The following ADAM10 variants were observed in gnomAD, a reference collection of about 807,000 sequenced individuals.
ADAM10 encodes ADAM metallopeptidase domain 10.
In ADAM10, 17 loss-of-function variants were observed where a neutral mutation model predicts 90.1. The ratio of observed to expected loss-of-function variants is 0.19; its 90% CI spans 0.13 to 0.28. The LOEUF is 0.28. Ranked by LOEUF, ADAM10 falls within the 10% of genes least tolerant of loss-of-function variation. The pLI, the probability that ADAM10 is intolerant of heterozygous loss-of-function variation, is 1.00. For missense variants in ADAM10, 610 were observed against 914.3 expected (o/e 0.67, Z 4.29); for synonymous variants, 310 against 298.6 (o/e 1.04, Z -0.40).
chr15:58,709,968 A>C (rs1304414065), intron 2 of ADAM10, among the ~76,000 whole-genome samples: 1 of 152,102 alleles, frequency 6.6e-6, no homozygotes, highest in Non-Finnish European at 1.5e-5. Flanking sequence ...CTTCCAGGTA[A>C]GGCCTGGTTA....
chr15:58,727,188 T>TC (rs1220090311), intron 1 of ADAM10, among the ~76,000 whole-genome samples: 38 of 121,978 alleles, frequency 3.1e-4, no homozygotes, highest in African/African-American at 1.3e-3. Context: ...TTTTTTTTTT[T>TC]TTTTTTTTTT....
At chr15:58,692,392 A>G (rs760378841) in intron 2 of ADAM10, 8 of 580,566 alleles carry the variant, frequency 1.4e-5, no homozygotes, top group South Asian at 1.1e-4. Flanking sequence ...TTTCTCCTTG[A>G]TCTTCTTTGT....
chr15:58,674,055 T>G (rs1897259986), intron 4 of ADAM10, among the ~76,000 whole-genome samples: 1 of 152,144 alleles, frequency 6.6e-6, no homozygotes, highest in African/African-American at 2.4e-5. Context: ...TTTGTGATTT[T>G]TTTTTAACTT....
At chr15:58,599,456 C>T in intron 15 of ADAM10, 142 bp downstream of exon 15, 1 of 1,034,890 alleles carries the variant, frequency 9.7e-7, no homozygotes, top group South Asian at 1.4e-5. Flanking sequence ...ACACAAATAT[C>T]AACTAAATCA....
chr15:58,734,438 C>T (rs887379071), intron 1 of ADAM10, among the ~76,000 whole-genome samples: 1 of 152,092 alleles, frequency 6.6e-6, no homozygotes, highest in Non-Finnish European at 1.5e-5. Context: ...TACGATGAGT[C>T]GAATTACCTT....
At chr15:58,723,028 A>T (rs551607847) in intron 1 of ADAM10, among the ~76,000 whole-genome samples, 3 of 151,628 alleles carry the variant, frequency 2.0e-5, no homozygotes, top group African/African-American at 7.3e-5. Flanking sequence ...CACCATACCC[A>T]GCCAAATCAG....
intron 2 of ADAM10, among the ~76,000 whole-genome samples, chr15:58,694,628 G>A (rs1897925105): frequency 6.6e-6 from 1 of 151,718 alleles, no homozygotes; most frequent in South Asian, 2.1e-4. Context: ...ACAAATAACT[G>A]AACACAAATG....
At chr15:58,640,452 T>C (rs1350629929) in intron 8 of ADAM10, among the ~76,000 whole-genome samples, 4 of 152,178 alleles carry the variant, frequency 2.6e-5, no homozygotes, top group Non-Finnish European at 2.9e-5. Flanking sequence ...TTAATAAATA[T>C]ATAACATTTA....
At chr15:58,600,158 C>T (rs1406079099) in intron 14 of ADAM10, among the ~76,000 whole-genome samples, 1 of 152,088 alleles carries the variant, frequency 6.6e-6, no homozygotes, top group Non-Finnish European at 1.5e-5. Context: ...TGCCAATGCC[C>T]TAACAAGGTT....
intron 8 of ADAM10, among the ~76,000 whole-genome samples, chr15:58,634,326 T>C (rs1221951943): frequency 1.3e-5 from 2 of 151,718 alleles, no homozygotes; most frequent in African/African-American, 4.9e-5. Flanking sequence ...AAGAAGAATT[T>C]CACCATACTA....
intron 6 of ADAM10, among the ~76,000 whole-genome samples, chr15:58,644,580 A>G (rs1251189528): frequency 6.6e-6 from 1 of 151,968 alleles, no homozygotes; most frequent in East Asian, 1.9e-4. Context: ...CCTCAATCCA[A>G]TCCTACAACG....
intron 10 of ADAM10, among the ~76,000 whole-genome samples, chr15:58,625,847 G>C (rs1396627289): frequency 6.6e-6 from 1 of 152,142 alleles, no homozygotes. Context: ...TATTGATAAA[G>C]GCAATAATTT....
At chr15:58,708,389 C>T (rs916407826) in intron 2 of ADAM10, among the ~76,000 whole-genome samples, 2 of 151,982 alleles carry the variant, frequency 1.3e-5, no homozygotes, top group Non-Finnish European at 2.9e-5. Context: ...AGGCCACACC[C>T]GGTGGCTCAC....
At chr15:58,688,190 G>A (rs1897661356) in intron 2 of ADAM10, among the ~76,000 whole-genome samples, 1 of 152,206 alleles carries the variant, frequency 6.6e-6, no homozygotes, top group South Asian at 2.1e-4. Context: ...CCCAGTAGAA[G>A]CTCCTGTGAC....
Position 58,593,691 on chromosome 15 carries a change from G to C in ADAM10, c.*3856C>G, listed in dbSNP as rs1244449626. 2.0e-5 allele frequency: 3 copies of C among 152,140 alleles called. No individual in the cohort carries two copies. Among genetic ancestry groups the C allele is most frequent in the African/African-American group, 7.2e-5 (3 of 41,424 alleles). The allele number at this position is 152,140 out of a possible 1,614,324, so 9.4% of individuals were successfully genotyped here. On this transcript the variant is annotated 3_prime_UTR_variant, in exon 16 of 16. Coordinates refer to ENST00000260408, the MANE Select transcript of ADAM10 (RefSeq NM_001110.4). ...CCCCACACCCTATCACTTTAGTGTA[G>C]ATTTCAGGAAAAAGCAAAAACTAAT...
rs1894848917 is a variant in ADAM10, at chr15:58,592,744, T to A, written c.*4803A>T. The A allele has an allele frequency of 7.2e-6, 1 of 139,380 alleles. No individual in the cohort carries two copies. The highest frequency in any genetic ancestry group is 2.4e-4 in the South Asian group (1 of 4,164). 8.6% of individuals were successfully genotyped at this position (139,380 alleles called of 1,614,324 possible). On this transcript the variant is annotated 3_prime_UTR_variant, in exon 16 of 16. Coordinates refer to ENST00000260408, the MANE Select transcript of ADAM10 (RefSeq NM_001110.4). Reference sequence around the variant, plus strand: ...ATATGTGGATTTCTAAGGATGGGACTCTGATTTAATATATATATATATATA... The same window carrying A: ...ATATGTGGATTTCTAAGGATGGGACACTGATTTAATATATATATATATATA...
intron 8 of ADAM10, among the ~76,000 whole-genome samples, 165 bp from the exon 9 acceptor site, chr15:58,633,524 A>C (rs1256141456): frequency 6.6e-6 from 1 of 152,226 alleles, no homozygotes; most frequent in Non-Finnish European, 1.5e-5. Context: ...AAGACTAAGA[A>C]GTCACTTCAT....
At chr15:58,655,696 G>GTATATATATATATAGTA (rs1380651105) in intron 5 of ADAM10, among the ~76,000 whole-genome samples, 1 of 68,260 alleles carries the variant, frequency 1.5e-5, no homozygotes, top group Non-Finnish European at 2.4e-5. Flanking sequence ...ATTATATATA[G>GTATATATATATATAGTA]TATATATATA....
chr15:58,629,421 T>C (rs760000219), intron 9 of ADAM10: 9 of 152,188 alleles, frequency 5.9e-5, no homozygotes, highest in Non-Finnish European at 1.3e-4. Flanking sequence ...GGAAACAGGT[T>C]GTAAGCAAGC....
Sources: allele counts gnomAD v4.1 joint callset (sites outside exome capture counted in the v4.1 genomes callset), GRCh38; gene constraint gnomAD v4.1.1; transcripts MANE v1.5; gene names NCBI Gene and HGNC (gene_info 2026-07-23, HGNC 2026-07-21).